Variants in GALNT1 observed in about 807,000 individuals in gnomAD.
GALNT1 encodes the protein polypeptide N-acetylgalactosaminyltransferase 1, also known as GalNAc transferase 1.
Under a neutral mutation model 65.7 loss-of-function variants are expected in GALNT1, and 17 were observed. That is an observed-to-expected ratio of 0.26 (90% CI 0.18 to 0.39). The LOEUF (loss-of-function observed/expected upper bound fraction) is 0.39, where lower values mean the gene tolerates loss of function less well. Among genes scored for constraint, GALNT1 ranks in the 10% least tolerant of loss-of-function variants. GALNT1 has a pLI of 1.00. For missense variants in GALNT1, 460 were observed against 672.8 expected, an observed-to-expected ratio of 0.68 and a Z score of 3.50; for synonymous variants, 210 against 219.7, an observed-to-expected ratio of 0.96 and a Z score of 0.39.
chr18:35,620,705 A>G (rs1444208059), intron 1 of GALNT1, among the ~76,000 whole-genome samples: 2 of 152,062 alleles, frequency 1.3e-5, no homozygotes, highest in African/African-American at 2.4e-5. Context: ...ATAATGATGC[A>G]CATAATTCTA....
intron 1 of GALNT1, among the ~76,000 whole-genome samples, chr18:35,613,585 G>T (rs1332008853): frequency 6.6e-6 from 1 of 152,068 alleles, no homozygotes; most frequent in Non-Finnish European, 1.5e-5. Flanking sequence ...CTTTTGCAGG[G>T]TGGCCATAGG....
rs187091793 is a variant in GALNT1 at position 35,637,074 on chromosome 18, G to A, written c.-103-17486G>A. ...AAATGTCTTTTCTGACTGCTCCGCC[G>A]ACCAGCCGTTTCCCTGTCTCTCTCC... is the stretch of plus-strand genomic sequence containing the variant. On this transcript the variant is annotated intron_variant, in intron 1 of 11. Coordinates refer to ENST00000269195, the MANE Select transcript of GALNT1 (RefSeq NM_020474.4). Among the ~76,000 whole-genome samples the A allele has an allele frequency of 1.2e-3, 189 of 152,082 alleles. 1 individual carries two copies. The highest frequency in any genetic ancestry group is 0.01 in the East Asian group (52 of 5,176).
intron 3 of GALNT1, among the ~76,000 whole-genome samples, chr18:35,665,066 T>G (rs1040305177): frequency 2.6e-5 from 4 of 152,252 alleles, no homozygotes; most frequent in African/African-American, 9.6e-5. Context: ...CCTACTCATG[T>G]GTTTAGGCCT....
intron 2 of GALNT1, 61 bp downstream of exon 2, chr18:35,654,862 A>C: frequency 2.3e-6 from 3 of 1,315,322 alleles, no homozygotes; most frequent in Non-Finnish European, 3.0e-6. Context: ...TTACTAACTA[A>C]TTTGGATAAT....
chr18:35,626,976 C>T (rs1423496769), intron 1 of GALNT1, among the ~76,000 whole-genome samples: 1 of 152,164 alleles, frequency 6.6e-6, no homozygotes, highest in Non-Finnish European at 1.5e-5. Context: ...AATAGAATGA[C>T]CGTGGTTGGC....
chr18:35,583,678 GCGCGAGACCCTGTCTCAA>G (rs2046349430), intron 1 of GALNT1, among the ~76,000 whole-genome samples: 1 of 152,148 alleles, frequency 6.6e-6, no homozygotes, highest in Admixed American at 6.5e-5. Flanking sequence ...CAGAGTGACA[GCGCGAGACCCTGTCTCAA>G]AAAACTGAAA....
chr18:35,655,712 G>A (rs966075028), intron 2 of GALNT1, among the ~76,000 whole-genome samples: 1 of 151,752 alleles, frequency 6.6e-6, no homozygotes, highest in Non-Finnish European at 1.5e-5. Flanking sequence ...ATACTTTTAT[G>A]ATGAGAAGGG....
At chr18:35,581,026 C>T (rs937634525), upstream of GALNT1, 2 of 152,082 alleles carry the variant, frequency 1.3e-5, no homozygotes, top group Non-Finnish European at 2.9e-5. Context: ...TCCCTCAGTC[C>T]CGGGCCTCCT....
chr18:35,705,168 G>A (rs1473062285), intron 11 of GALNT1, among the ~76,000 whole-genome samples: 1 of 152,094 alleles, frequency 6.6e-6, no homozygotes, highest in African/African-American at 2.4e-5. Context: ...TCAATATGCT[G>A]TTCTCTGAAC....
intron 1 of GALNT1, among the ~76,000 whole-genome samples, chr18:35,652,108 C>G (rs531746059): frequency 6.6e-6 from 1 of 151,878 alleles, no homozygotes; most frequent in African/African-American, 2.4e-5. Context: ...AGATTTCTTC[C>G]TGGTACGGTT....
At position 35,710,719 on chromosome 18, in the gene GALNT1, T is replaced by G. The variant is rs1485511907; in HGVS notation, c.*949T>G. Reference sequence around the variant, plus strand: ...GACTTCTTCACTTGACCTAACTGATTATGCGAAATACCCAAGATTCATGCT... The same window carrying G: ...GACTTCTTCACTTGACCTAACTGATGATGCGAAATACCCAAGATTCATGCT... On this transcript the variant is annotated 3_prime_UTR_variant, in exon 12 of 12. Coordinates refer to ENST00000269195, the MANE Select transcript of GALNT1 (RefSeq NM_020474.4). The G allele has an allele frequency of 6.6e-6, 1 of 152,658 alleles. No homozygotes were observed. Among genetic ancestry groups the G allele is most frequent in the African/African-American group, 2.4e-5 (1 of 41,460 alleles). The allele number at this position is 152,658 out of a possible 1,614,324, so 9.5% of individuals were successfully genotyped here.
At chr18:35,672,693 A>G (rs1244390286) in intron 3 of GALNT1, among the ~76,000 whole-genome samples, 3 of 151,956 alleles carry the variant, frequency 2.0e-5, no homozygotes, top group Admixed American at 2.0e-4. Flanking sequence ...TAGAAGTAAC[A>G]GTCCCTGAAT....
At chr18:35,606,735 T>C (rs919071251) in intron 1 of GALNT1, among the ~76,000 whole-genome samples, 5 of 152,062 alleles carry the variant, frequency 3.3e-5, no homozygotes, top group Non-Finnish European at 7.4e-5. Flanking sequence ...TTGATTTCAG[T>C]TGTGACATGG....
intron 9 of GALNT1, among the ~76,000 whole-genome samples, chr18:35,700,645 T>C (rs999071710): frequency 6.6e-6 from 1 of 152,186 alleles, no homozygotes. Context: ...TAAGCTGTTA[T>C]GTACAAATCT....
chr18:35,683,322 C>T, intron 4 of GALNT1, 69 bp from the exon 5 acceptor site: 1 of 1,296,506 alleles, frequency 7.7e-7, no homozygotes. Context: ...TTTTCCAAAT[C>T]AAAATTACTT....
In GALNT1 at chr18:35,622,165, A is replaced by G. The variant is rs1425269099; in HGVS notation, c.-103-32395A>G. On this transcript the variant is annotated intron_variant, in intron 1 of 11. Transcript: ENST00000269195. ...TATAAAGATAATTTTTTTCTTTACT[A>G]TAGAAATCCTTCCACACATAAAGAT... Among the ~76,000 whole-genome samples, 3 of 152,136 alleles carry G rather than the reference A, an allele frequency of 2.0e-5. No homozygotes were observed. In the East Asian group the frequency reaches 5.8e-4, roughly 29 times the overall value.
intron 1 of GALNT1, among the ~76,000 whole-genome samples, chr18:35,640,302 CAAAT>C (rs1463059399): frequency 3.9e-5 from 6 of 151,998 alleles, no homozygotes; most frequent in African/African-American, 9.7e-5. Flanking sequence ...TTAAAATCAA[CAAAT>C]AAAAATACAG....
intron 7 of GALNT1, 46 bp downstream of exon 7, chr18:35,689,336 T>C (rs781244083): frequency 9.7e-7 from 1 of 1,025,916 alleles, no homozygotes; most frequent in East Asian, 2.4e-5. Context: ...ACTTCAAGTA[T>C]AGATGTGCAT....
intron 3 of GALNT1, among the ~76,000 whole-genome samples, chr18:35,674,982 CAAAAAAAAAAAAAAAA>C (rs150477892): frequency 3.3e-5 from 1 of 30,300 alleles, no homozygotes; most frequent in African/African-American, 9.8e-5. Flanking sequence ...GACTCCGTCT[CAAAAAAAAAAAAAAAA>C]AAAAAAAAAA....
Sources: gnomAD v4.1 joint callset for allele counts (sites outside exome capture counted in the v4.1 genomes callset) on GRCh38, gnomAD v4.1.1 for gene constraint, MANE v1.5 for transcripts, NCBI Gene and HGNC (gene_info 2026-07-23, HGNC 2026-07-21) for gene names.